Variants in DHX37 observed in about 807,000 individuals in gnomAD.
DHX37 encodes the protein DEAH-box helicase 37, also known as probable ATP-dependent RNA helicase DHX37.
DHX37 carries 52 observed loss-of-function variants against 134.3 expected under a neutral mutation model. The observed-to-expected ratio is 0.39, with a 90% CI of 0.31 to 0.49. The LOEUF is 0.49. Among genes scored for constraint, DHX37 ranks in the 20% least tolerant of loss-of-function variants. DHX37 has a pLI of 0.93. For synonymous variants in DHX37, 634 were observed against 670.7 expected (o/e 0.95, Z 0.85); for missense variants, 1,344 against 1,580.8 (o/e 0.85, Z 2.54).
chr12:124,947,821 G>A lies in DHX37; in HGVS notation c.3455C>T (p.Pro1152Leu). The change falls in exon 27 of 27, where the codon CCC (proline) becomes CTC (leucine). Residue 1152 changes from proline to leucine, a missense_variant. Physicochemically the swap from Pro to Leu is moderately conservative, Grantham distance 98. Around this residue, in one of 7 missense-constraint regions of DHX37, gnomAD observed 558 missense variants for 650.0 expected, o/e 0.86. Coordinates refer to ENST00000308736, the MANE Select transcript of DHX37 (RefSeq NM_032656.4). ...TTCTGGTCAGTGGACAGTGGTGGGGGGCCAGGCTTTCTCGATATCGGGGTG... is the reference window on the plus strand; with the variant it reads ...TTCTGGTCAGTGGACAGTGGTGGGGAGCCAGGCTTTCTCGATATCGGGGTG... ...AMHPDIEKAWPPTTVH is the reference protein window; with the variant it reads ...AMHPDIEKAWLPTTVH 6.3e-7 allele frequency: 1 copy of A among 1,594,336 alleles called. No homozygotes were observed. Among genetic ancestry groups the A allele is most frequent in the Non-Finnish European group, 8.6e-7 (1 of 1,169,268 alleles).
At chr12:124,961,141 C>T (rs1309230681) in intron 15 of DHX37, among the ~76,000 whole-genome samples, 1 of 152,034 alleles carries the variant, frequency 6.6e-6, no homozygotes. Flanking sequence ...TACATACACG[C>T]GTGCACGCAC....
In DHX37 at chr12:124,960,530, T is replaced by C. The variant is rs1026031803; in HGVS notation, c.2046-107A>G. 1.0e-4 allele frequency: 151 copies of C among 1,504,944 alleles called. 1 individual carries two copies. In the Admixed American group the frequency reaches 3.0e-3, roughly 30 times the overall value. The allele number at this position is 1,504,944 out of a possible 1,614,324, so 93.2% of individuals were successfully genotyped here. A position where few individuals can be genotyped will look rare whatever the true frequency, so the allele number is the denominator to read the frequency against. On this transcript the variant is annotated intron_variant, in intron 15 of 26. Transcript: ENST00000308736. ...CGGGACAACAAACAAAACTCAGTCA[T>C]GCCACTGGGACTGGATCTTCACCTG...
chr12:124,960,845 C>T (rs1954223088), intron 15 of DHX37, among the ~76,000 whole-genome samples: 1 of 152,216 alleles, frequency 6.6e-6, no homozygotes, highest in Non-Finnish European at 1.5e-5. Context: ...GTCCCAGCTA[C>T]TCGGGAGGCT....
intron 15 of DHX37, 61 bp downstream of exon 15, chr12:124,964,333 T>C: frequency 6.2e-7 from 1 of 1,600,842 alleles, no homozygotes; most frequent in Non-Finnish European, 8.5e-7. Flanking sequence ...CCTTCCCTTG[T>C]TCCTCAGTGG....
Position 124,968,535 on chromosome 12 carries a change from T to A in DHX37, c.1407A>T (p.Ala469=), listed in dbSNP as rs773861340. The change falls in exon 10 of 27, where the codon GCA becomes GCT. Residue 469 remains alanine, a splice_region_variant and synonymous_variant. Coordinates refer to ENST00000308736, the MANE Select transcript of DHX37 (RefSeq NM_032656.4). ...KVCKIHRMLP[A]GGILVFLTGQ... Reference sequence around the variant, plus strand: ...CCCCTGACCTGGCCAGGGCCTCACCTGCGGGCAGCATCCGGTGGATCTTGC... The same window carrying A: ...CCCCTGACCTGGCCAGGGCCTCACCAGCGGGCAGCATCCGGTGGATCTTGC... 1 of 1,612,958 alleles carries A rather than the reference T, an allele frequency of 6.2e-7. No individual in the cohort carries two copies. The highest frequency in any genetic ancestry group is 2.2e-5 in the East Asian group (1 of 44,886).
intron 15 of DHX37, among the ~76,000 whole-genome samples, chr12:124,960,685 G>A (rs769014692): frequency 5.3e-5 from 8 of 152,166 alleles, no homozygotes; most frequent in Non-Finnish European, 8.8e-5. Flanking sequence ...TGGGTGTGGC[G>A]GCACACACCT....
In DHX37 at chr12:124,968,876, C is replaced by T. The variant is rs116091014; in HGVS notation, c.1284G>A (p.Pro428=). The change falls in exon 9 of 27, where the codon CCG becomes CCA. Residue 428 remains proline (P), a synonymous_variant. Coordinates refer to ENST00000308736, the MANE Select transcript of DHX37 (RefSeq NM_032656.4). Reference sequence around the variant, plus strand: ...TGGGACCCTGTGTTACCTTGATGACCGGCGGCGGCTTGGCGAAGAGCCGTG... The same window carrying T: ...TGGGACCCTGTGTTACCTTGATGACTGGCGGCGGCTTGGCGAAGAGCCGTG... ...QNPRLFAKPP[P]VIKVESRQFP... 1,243 of 1,614,040 alleles carry T rather than the reference C, an allele frequency of 7.7e-4. 11 individuals carry two copies. In the African/African-American group the frequency reaches 0.015, roughly 19 times the overall value.
intron 8 of DHX37, among the ~76,000 whole-genome samples, chr12:124,970,697 T>G (rs1279927955): frequency 6.6e-6 from 1 of 152,242 alleles, no homozygotes; most frequent in Admixed American, 6.5e-5. Context: ...GGGCAGGAAC[T>G]GTTAGAACAA....
At chr12:124,952,133 C>A (rs933009388) in intron 21 of DHX37, among the ~76,000 whole-genome samples, 1 of 151,988 alleles carries the variant, frequency 6.6e-6, no homozygotes, top group Non-Finnish European at 1.5e-5. Flanking sequence ...GGCAACAGAG[C>A]GAGACCTTGT....
At chr12:124,986,048 T>G in intron 2 of DHX37, 48 bp downstream of exon 2, 4 of 1,602,790 alleles carry the variant, frequency 2.5e-6, no homozygotes, top group Non-Finnish European at 3.4e-6. Flanking sequence ...CCCCCATCTC[T>G]CTCTATGCTG....
Position 124,980,005 on chromosome 12 carries a change from T to C in DHX37, c.738+485A>G, listed in dbSNP as rs1445576737. Among the ~76,000 whole-genome samples the C allele has an allele frequency of 1.3e-5, 2 of 152,244 alleles. No homozygotes were observed. Among genetic ancestry groups the C allele is most frequent in the East Asian group, 3.8e-4 (2 of 5,202 alleles). ...TGTGGGCTTTCCATGCCCCAAATCC[T>C]TTCATTGTCATCACAACCCAGTGAG... On this transcript the variant is annotated intron_variant, in intron 4 of 26. Coordinates refer to ENST00000308736, the MANE Select transcript of DHX37 (RefSeq NM_032656.4). This position sits in a 1 kb window ranked among gnomAD's most constrained non-coding sequence, Gnocchi z 5.3.
At chr12:124,968,689 C>T (rs11057940) in intron 9 of DHX37, 41 bp from the exon 10 acceptor site, 9 of 1,612,462 alleles carry the variant, frequency 5.6e-6, no homozygotes, top group East Asian at 2.2e-5. Flanking sequence ...GGGGGGGACA[C>T]GAGCTTCGGC....
At chr12:124,972,290 C>T (rs7302338) in intron 7 of DHX37, among the ~76,000 whole-genome samples, 4 of 152,258 alleles carry the variant, frequency 2.6e-5, no homozygotes, top group Admixed American at 6.5e-5. Flanking sequence ...CTACAACTTC[C>T]GCTTCAAAAT....
chr12:124,951,844 C>G (rs1367191861), intron 21 of DHX37, among the ~76,000 whole-genome samples: 1 of 152,162 alleles, frequency 6.6e-6, no homozygotes, highest in East Asian at 1.9e-4. Context: ...TGGTGGCACA[C>G]ACCTGTAATC....
At chr12:124,962,166 C>T (rs987400862) in intron 15 of DHX37, among the ~76,000 whole-genome samples, 2 of 151,998 alleles carry the variant, frequency 1.3e-5, no homozygotes, top group Admixed American at 1.3e-4. Context: ...TATACTTGGG[C>T]CACTGAACTC....
At chr12:124,985,708 G>C (rs144495824) in intron 2 of DHX37, among the ~76,000 whole-genome samples, 1 of 149,602 alleles carries the variant, frequency 6.7e-6, no homozygotes, top group Non-Finnish European at 1.5e-5. Flanking sequence ...ACTCCAGCCT[G>C]GGCAACAGAG....
chr12:124,947,678 C>T lies in DHX37; in HGVS notation c.*124G>A. 1.5e-6 allele frequency: 2 copies of T among 1,300,242 alleles called. No individual in the cohort carries two copies. The highest frequency in any genetic ancestry group is 2.1e-6 in the Non-Finnish European group (2 of 967,636). The allele number at this position is 1,300,242 out of a possible 1,614,324, so 80.5% of individuals were successfully genotyped here. ...CTCTCATGGATGAGGGTTCCCAGGGCTTGACCCACTTCCTGAGAGCAGGCC... is the reference window on the plus strand; with the variant it reads ...CTCTCATGGATGAGGGTTCCCAGGGTTTGACCCACTTCCTGAGAGCAGGCC... On this transcript the variant is annotated 3_prime_UTR_variant, in exon 27 of 27. Coordinates refer to ENST00000308736, the MANE Select transcript of DHX37 (RefSeq NM_032656.4).
intron 21 of DHX37, among the ~76,000 whole-genome samples, chr12:124,951,847 C>G (rs1215443017): frequency 6.6e-6 from 1 of 152,194 alleles, no homozygotes; most frequent in Non-Finnish European, 1.5e-5. Flanking sequence ...TGGCACACAC[C>G]TGTAATCCTA....
intron 12 of DHX37, among the ~76,000 whole-genome samples, chr12:124,966,250 T>A (rs548313838): frequency 6.6e-6 from 1 of 152,190 alleles, no homozygotes; most frequent in Non-Finnish European, 1.5e-5. Context: ...GTATTTTTAG[T>A]AGAGACAGGG....
Sources: gnomAD v4.1 joint callset for allele counts (sites outside exome capture counted in the v4.1 genomes callset) on GRCh38, gnomAD v4.1.1 for gene constraint, gnomAD v4.1.1 regional missense constraint, Gnocchi (gnomAD v3.1) non-coding constraint, MANE v1.5 for transcripts, NCBI Gene and HGNC (gene_info 2026-07-23, HGNC 2026-07-21) for gene names.